Variants in NFAM1 observed in about 807,000 individuals in gnomAD.
NFAM1 encodes the protein NFAT activation molecule 1.
NFAM1 carries 17 observed loss-of-function variants against 29.0 expected under a neutral mutation model. That is an observed-to-expected ratio of 0.59 (90% CI 0.40 to 0.88). The LOEUF (loss-of-function observed/expected upper bound fraction) is 0.88. NFAM1 is among the 40% of genes least tolerant of loss of function. NFAM1 has a pLI of 0.00. For synonymous variants in NFAM1, 175 were observed against 147.2 expected (o/e 1.19, Z -1.36); for missense variants, 324 against 344.6 (o/e 0.94, Z 0.47).
chr22:42,385,059 G>A lies in NFAM1; in HGVS notation c.*102C>T, dbSNP rs938028073. The stretch of plus-strand genomic sequence containing the variant: ...GAATGTGAGGGTGAAATGATGGGGT[G>A]TCCCTGGGGGCCTTACTCCCAACTC... On this transcript the variant is annotated 3_prime_UTR_variant, in exon 6 of 6. Transcript: ENST00000329021. The A allele has an allele frequency of 1.2e-6, 1 of 844,516 alleles. No individual in the cohort carries two copies. Among genetic ancestry groups the A allele is most frequent in the Non-Finnish European group, 2.1e-6 (1 of 484,264 alleles). 52.3% of individuals were successfully genotyped at this position (844,516 alleles called of 1,614,324 possible).
upstream of NFAM1, chr22:42,437,023 TCA>T (rs898682300): frequency 1.0e-6 from 1 of 983,896 alleles, no homozygotes; most frequent in African/African-American, 1.8e-5. Flanking sequence ...CCTGCTATGC[TCA>T]GTTTCTGGGA....
intron 4 of NFAM1, among the ~76,000 whole-genome samples, chr22:42,389,048 C>T (rs1482831084): frequency 6.6e-6 from 1 of 152,204 alleles, no homozygotes; most frequent in African/African-American, 2.4e-5. Context: ...CAGACCCCTT[C>T]TAAGTCTCAC....
At chr22:42,391,929 G>C (rs957230386) in intron 4 of NFAM1, among the ~76,000 whole-genome samples, 3 of 129,658 alleles carry the variant, frequency 2.3e-5, no homozygotes, top group Admixed American at 9.2e-5. Flanking sequence ...TGGGTGACAA[G>C]AGCGAGACTC....
upstream of NFAM1, chr22:42,436,885 G>T: frequency 2.2e-6 from 1 of 454,316 alleles, no homozygotes; most frequent in Non-Finnish European, 2.9e-6. Flanking sequence ...AATTCACCTG[G>T]TCCTTTAATC....
intron 1 of NFAM1, among the ~76,000 whole-genome samples, chr22:42,416,315 C>T (rs1166349085): frequency 6.6e-6 from 1 of 152,172 alleles, no homozygotes; most frequent in East Asian, 1.9e-4. Flanking sequence ...AAACCAAAAC[C>T]AAAAAGCAGA....
chr22:42,408,137 A>G (rs938253276), intron 3 of NFAM1, among the ~76,000 whole-genome samples: 1 of 151,638 alleles, frequency 6.6e-6, no homozygotes, highest in African/African-American at 2.4e-5. Flanking sequence ...CAAGTGATCC[A>G]CCCACCTCGG....
At chr22:42,426,705 C>G (rs1358305646) in intron 1 of NFAM1, among the ~76,000 whole-genome samples, 7 of 152,310 alleles carry the variant, frequency 4.6e-5, no homozygotes, top group Admixed American at 3.9e-4. Context: ...GCCCCTTGGC[C>G]TGCAAGGACC....
chr22:42,427,915 G>A (rs889124854), intron 1 of NFAM1, among the ~76,000 whole-genome samples: 1 of 152,208 alleles, frequency 6.6e-6, no homozygotes, highest in Non-Finnish European at 1.5e-5. Flanking sequence ...TGTCTGTGGG[G>A]CGAGGGGAGT....
chr22:42,433,680 G>T (rs555064173), upstream of NFAM1, among the ~76,000 whole-genome samples: 135 of 152,258 alleles, frequency 8.9e-4, no homozygotes, highest in African/African-American at 3.1e-3. Flanking sequence ...AAGAGCAGGG[G>T]CCGCCCACCA....
intron 1 of NFAM1, 75 bp downstream of exon 1, chr22:42,432,162 T>C: frequency 7.5e-7 from 1 of 1,335,174 alleles, no homozygotes; most frequent in Non-Finnish European, 1.1e-6. Flanking sequence ...GGGAATTAGC[T>C]GCGCCGGGCG....
intron 1 of NFAM1, among the ~76,000 whole-genome samples, chr22:42,427,318 C>T (rs538538616): frequency 1.7e-4 from 26 of 152,184 alleles, no homozygotes; most frequent in Admixed American, 7.8e-4. Context: ...ACCCTACCAA[C>T]GCTGGAGAGG....
upstream of NFAM1, among the ~76,000 whole-genome samples, chr22:42,434,523 G>A (rs1305866055): frequency 1.3e-5 from 2 of 152,188 alleles, no homozygotes; most frequent in African/African-American, 4.8e-5. Context: ...AGGCAGGGAC[G>A]CACCTTGGCA....
In NFAM1 at chr22:42,385,064, TG is replaced by T. The variant is rs1929087904; in HGVS notation, c.*96del. ...TGAGGGTGAAATGATGGGGTGTCCCTGGGGGCCTTACTCCCAACTCAGATCA... is the reference window on the plus strand; with the variant it reads ...TGAGGGTGAAATGATGGGGTGTCCCTGGGGCCTTACTCCCAACTCAGATCA... On this transcript the variant is annotated 3_prime_UTR_variant, in exon 6 of 6. Coordinates refer to ENST00000329021, the MANE Select transcript of NFAM1 (RefSeq NM_145912.8). 2 of 886,396 alleles carry T rather than the reference TG, an allele frequency of 2.3e-6. No homozygotes were observed. The highest frequency in any genetic ancestry group is 1.6e-5 in the African/African-American group (1 of 60,824). The allele number at this position is 886,396 out of a possible 1,614,324, so 54.9% of individuals were successfully genotyped here.
At chr22:42,415,355 GA>G (rs1026510966) in intron 1 of NFAM1, among the ~76,000 whole-genome samples, 1 of 142,222 alleles carries the variant, frequency 7.0e-6, no homozygotes, top group African/African-American at 2.7e-5. Flanking sequence ...GCTGGAGTGC[GA>G]TGGCGCGATC....
At chr22:42,392,568 C>T (rs762144169) in intron 4 of NFAM1, among the ~76,000 whole-genome samples, 65 of 151,980 alleles carry the variant, frequency 4.3e-4, no homozygotes, top group Admixed American at 1.4e-3. Flanking sequence ...GAGGGGGATG[C>T]GGGCTCAAGG....
chr22:42,401,677 G>A (rs1929731302), intron 3 of NFAM1, among the ~76,000 whole-genome samples: 1 of 152,166 alleles, frequency 6.6e-6, no homozygotes, highest in Non-Finnish European at 1.5e-5. Flanking sequence ...TTTCAACTGT[G>A]ATTTTCAGAT....
At chr22:42,396,930 G>T (rs1929547421) in intron 4 of NFAM1, among the ~76,000 whole-genome samples, 1 of 149,172 alleles carries the variant, frequency 6.7e-6, no homozygotes, top group Non-Finnish European at 1.5e-5. Context: ...CAGGGGGCGT[G>T]CACCTGGGGG....
chr22:42,427,502 G>C (rs1043399980), intron 1 of NFAM1, among the ~76,000 whole-genome samples: 6 of 152,206 alleles, frequency 3.9e-5, no homozygotes, highest in Non-Finnish European at 8.8e-5. Flanking sequence ...CGTGCTGGGA[G>C]TCAAGGATTA....
intron 3 of NFAM1, among the ~76,000 whole-genome samples, chr22:42,406,742 T>C (rs1929911542): frequency 6.6e-6 from 1 of 152,220 alleles, no homozygotes; most frequent in African/African-American, 2.4e-5. Flanking sequence ...TCAACAGGAA[T>C]GCCAATTTAA....
Sources: allele counts gnomAD v4.1 joint callset (sites outside exome capture counted in the v4.1 genomes callset), GRCh38; gene constraint gnomAD v4.1.1; transcripts MANE v1.5; gene names NCBI Gene and HGNC (gene_info 2026-07-23, HGNC 2026-07-21).